The following SGMS1 variants were observed in gnomAD, a reference collection of about 807,000 sequenced individuals.
The protein encoded by SGMS1 is sphingomyelin synthase 1, also known as phosphatidylcholine:ceramide cholinephosphotransferase 1.
In SGMS1, 13 loss-of-function variants were observed where a neutral mutation model predicts 46.2. That is an observed-to-expected ratio of 0.28 (90% CI 0.18 to 0.45). The LOEUF (loss-of-function observed/expected upper bound fraction) is 0.45. SGMS1 is among the 20% of genes least tolerant of loss of function. SGMS1 has a pLI of 1.00. For missense variants in SGMS1, 324 were observed against 519.9 expected, an observed-to-expected ratio of 0.62 and a Z score of 3.66; for synonymous variants, 203 against 187.8, an observed-to-expected ratio of 1.08 and a Z score of -0.66.
At chr10:50,408,988 T>C (rs76826684) in intron 6 of SGMS1, among the ~76,000 whole-genome samples, 4,793 of 152,242 alleles carry the variant, frequency 0.031, 238 homozygotes, top group African/African-American at 0.11. Context: ...AGTTAACAAA[T>C]TCTTAGGGAA....
intron 6 of SGMS1, among the ~76,000 whole-genome samples, chr10:50,374,131 T>C (rs1848486200): frequency 6.6e-6 from 1 of 152,208 alleles, no homozygotes; most frequent in African/African-American, 2.4e-5. Flanking sequence ...CTGATTATAT[T>C]AATATATATT....
chr10:50,616,452 A>G (rs1031853895), intron 1 of SGMS1, among the ~76,000 whole-genome samples: 1 of 152,176 alleles, frequency 6.6e-6, no homozygotes, highest in African/African-American at 2.4e-5. Context: ...TGCTATTTAA[A>G]ACCAGCATTA....
chr10:50,344,056 G>A lies in SGMS1; in HGVS notation c.59C>T (p.Ala20Val). 6.2e-7 allele frequency: 1 copy of A among 1,614,076 alleles called. No individual in the cohort carries two copies. The highest frequency in any genetic ancestry group is 1.1e-5 in the South Asian group (1 of 91,078). ...CAGAGGCTCACAGTATTCTGGCATA[G>A]CATTCTCCAGCAGCCAGTCTGCCAC... is the stretch of plus-strand genomic sequence containing the variant. ...KKVADWLLEN[A>V]MPEYCEPLEH... Residue 20 changes from alanine to valine, a missense_variant, in exon 7 of 11, where the codon GCT becomes GTT. Coordinates refer to ENST00000361781, the MANE Select transcript of SGMS1 (RefSeq NM_147156.4).
intron 6 of SGMS1, among the ~76,000 whole-genome samples, chr10:50,359,189 A>T (rs1848205809): frequency 1.3e-5 from 2 of 152,168 alleles, no homozygotes; most frequent in Admixed American, 1.3e-4. Context: ...CTTTTTGTCC[A>T]CTTTGGCTGG....
intron 6 of SGMS1, among the ~76,000 whole-genome samples, chr10:50,406,296 C>G (rs1180726203): frequency 6.6e-6 from 1 of 152,170 alleles, no homozygotes; most frequent in African/African-American, 2.4e-5. Context: ...GCTTCCTGGT[C>G]TGATCAGGAG....
At chr10:50,594,024 A>G (rs188423582) in intron 1 of SGMS1, among the ~76,000 whole-genome samples, 294 of 152,276 alleles carry the variant, frequency 1.9e-3, no homozygotes, top group African/African-American at 6.2e-3. Flanking sequence ...CTAATGCCAA[A>G]TTGTTTTCCA....
intron 6 of SGMS1, among the ~76,000 whole-genome samples, chr10:50,425,784 T>C (rs1849317952): frequency 6.6e-6 from 1 of 152,222 alleles, no homozygotes; most frequent in Admixed American, 6.5e-5. Flanking sequence ...TTTAAACATG[T>C]TTTGTAGATC....
upstream of SGMS1, chr10:50,624,117 C>A: frequency 1.0e-6 from 1 of 985,380 alleles, no homozygotes; most frequent in South Asian, 4.7e-5. Context: ...AAGGGACAGT[C>A]GCAGTTTGGG....
chr10:50,493,669 C>T lies in SGMS1; in HGVS notation c.-498+26162G>A, dbSNP rs576636909. On this transcript the variant is annotated intron_variant, in intron 3 of 10. Transcript: ENST00000361781. Reference sequence around the variant, plus strand: ...AGTGGGCAAGGGACACAAACAGACCCTTTTCAAAAGAGATACATGCAGCCA... The same window carrying T: ...AGTGGGCAAGGGACACAAACAGACCTTTTTCAAAAGAGATACATGCAGCCA... Among the ~76,000 whole-genome samples, 3 of 151,912 alleles carry T rather than the reference C, an allele frequency of 2.0e-5. No homozygotes were observed. The East Asian group carries it at 5.8e-4, about 29-fold the overall frequency.
chr10:50,565,588 A>G (rs1188694946), intron 2 of SGMS1, among the ~76,000 whole-genome samples: 1 of 152,230 alleles, frequency 6.6e-6, no homozygotes, highest in East Asian at 1.9e-4. Flanking sequence ...GTCCTGGATA[A>G]GCAACATATA....
chr10:50,460,485 C>T (rs1479810614), intron 5 of SGMS1, among the ~76,000 whole-genome samples, 188 bp downstream of exon 5: 2 of 152,186 alleles, frequency 1.3e-5, no homozygotes, highest in African/African-American at 2.4e-5. Flanking sequence ...CAAAGAGTGA[C>T]GAGTGATATC....
intron 2 of SGMS1, among the ~76,000 whole-genome samples, chr10:50,588,290 T>G (rs1235592204): frequency 6.6e-6 from 1 of 152,236 alleles, no homozygotes; most frequent in Non-Finnish European, 1.5e-5. Flanking sequence ...AAATAGACTT[T>G]CTTTAAAATA....
chr10:50,393,721 T>C (rs779228008), intron 6 of SGMS1, among the ~76,000 whole-genome samples: 124 of 152,336 alleles, frequency 8.1e-4, no homozygotes, highest in Non-Finnish European at 1.4e-3. Flanking sequence ...GGACCATTTC[T>C]GAAACCTGTC....
chr10:50,313,541 G>T (rs1211330438), intron 8 of SGMS1, among the ~76,000 whole-genome samples: 1 of 152,148 alleles, frequency 6.6e-6, no homozygotes, highest in African/African-American at 2.4e-5. Context: ...TTGCATGCCT[G>T]CATAAACATT....
chr10:50,545,413 G>C (rs1029706919), intron 2 of SGMS1, among the ~76,000 whole-genome samples: 1 of 152,010 alleles, frequency 6.6e-6, no homozygotes, highest in Non-Finnish European at 1.5e-5. Flanking sequence ...AAAAGGAAAG[G>C]GTTTTGTTGT....
intron 6 of SGMS1, among the ~76,000 whole-genome samples, chr10:50,396,303 G>A (rs545713268): frequency 6.6e-6 from 1 of 152,070 alleles, no homozygotes; most frequent in African/African-American, 2.4e-5. Context: ...CTTAAGTCCA[G>A]GTATTCTCAG....
chr10:50,385,326 T>C (rs1361250125), intron 6 of SGMS1, among the ~76,000 whole-genome samples: 2 of 152,200 alleles, frequency 1.3e-5, no homozygotes, highest in Admixed American at 6.5e-5. Context: ...GCTATTATTA[T>C]GGTAAAGTTC....
At chr10:50,545,606 T>C (rs1484927777) in intron 2 of SGMS1, among the ~76,000 whole-genome samples, 2 of 152,094 alleles carry the variant, frequency 1.3e-5, no homozygotes, top group African/African-American at 2.4e-5. Flanking sequence ...TGGCTAATTT[T>C]TGTAGTTTTT....
At chr10:50,347,654 A>G (rs939239010) in intron 6 of SGMS1, among the ~76,000 whole-genome samples, 8 of 152,232 alleles carry the variant, frequency 5.3e-5, no homozygotes, top group African/African-American at 1.9e-4. Flanking sequence ...TTCTCAGTGG[A>G]GTGTTGAGGC....
Sources: allele counts gnomAD v4.1 joint callset (sites outside exome capture counted in the v4.1 genomes callset), GRCh38; gene constraint gnomAD v4.1.1; transcripts MANE v1.5; gene names NCBI Gene and HGNC (gene_info 2026-07-23, HGNC 2026-07-21).